FRG2C: variants seen among roughly 807,000 people sequenced by gnomAD.
FRG2C encodes the protein FSHD region gene 2 family member C.
A neutral mutation model predicts 14.1 loss-of-function variants in FRG2C; 8 were observed. That is an observed-to-expected ratio of 0.57 (90% CI 0.33 to 1.02). The LOEUF is 1.02. Among genes scored for constraint, FRG2C ranks in the 50% least tolerant of loss-of-function variants. FRG2C has a pLI of 0.03. For missense variants in FRG2C, 214 were observed against 334.2 expected, an observed-to-expected ratio of 0.64 and a Z score of 2.80; for synonymous variants, 92 against 127.4, an observed-to-expected ratio of 0.72 and a Z score of 1.87.
chr3:75,664,876 G>A lies in FRG2C; in HGVS notation c.236G>A (p.Gly79Glu). The A allele has an allele frequency of 6.2e-7, 1 of 1,614,272 alleles. No homozygotes were observed. Among genetic ancestry groups the A allele is most frequent in the Non-Finnish European group, 8.5e-7 (1 of 1,180,046 alleles). Reference sequence around the variant, plus strand: ...TCTGAGGAAACCAAGCTCAAGGCCGGGAACAGCACTGCTGGATCAGGTAAG... The same window carrying A: ...TCTGAGGAAACCAAGCTCAAGGCCGAGAACAGCACTGCTGGATCAGGTAAG... ...ENSEETKLKA[G>E]NSTAGSEPES... Residue 79 changes from glycine (G) to glutamate (E), a missense_variant, in exon 2 of 4, where the codon GGG becomes GAG. This residue lies in a region of FRG2C where 136 missense variants were observed against 148.1 expected (regional missense o/e 0.92). Transcript: ENST00000308062.
chr3:75,666,197 C>G lies in FRG2C; in HGVS notation c.*156C>G. ...AGGAAAGAAACTTGAGCGGTATACT[C>G]AGAATGGTGAGCCCTGAATTTTGCA... On this transcript the variant is annotated 3_prime_UTR_variant, in exon 4 of 4. Transcript: ENST00000308062. 2 of 1,485,160 alleles carry G rather than the reference C, an allele frequency of 1.3e-6. No individual in the cohort carries two copies. The highest frequency in any genetic ancestry group is 1.8e-6 in the Non-Finnish European group (2 of 1,115,936). The allele number at this position is 1,485,160 out of a possible 1,614,324, so 92.0% of individuals were successfully genotyped here. A position where few individuals can be genotyped will look rare whatever the true frequency, so the allele number is the denominator to read the frequency against.
At position 75,667,133 on chromosome 3, in the gene FRG2C, G is replaced by A. The variant is rs1403826332; in HGVS notation, c.*1092G>A. 1 of 152,282 alleles carries A rather than the reference G, an allele frequency of 6.6e-6. No homozygotes were observed. The highest frequency in any genetic ancestry group is 1.9e-4 in the East Asian group (1 of 5,206). 9.4% of individuals were successfully genotyped at this position (152,282 alleles called of 1,614,324 possible). On this transcript the variant is annotated 3_prime_UTR_variant, in exon 4 of 4. Coordinates refer to ENST00000308062, the MANE Select transcript of FRG2C (RefSeq NM_001124759.5). ...GGTTGCTTTATAATTTTCATTTTAT[G>A]TAATAATGAAATAAACATTAATGTT...
intron 2 of FRG2C, 55 bp from the exon 3 acceptor site, chr3:75,665,071 G>GA: frequency 6.2e-7 from 1 of 1,603,686 alleles, no homozygotes; most frequent in Non-Finnish European, 8.5e-7. Flanking sequence ...GATGGACTAG[G>GA]AATTTCAGGG....
In FRG2C at chr3:75,665,213, T is replaced by C. The variant is rs1269548541; in HGVS notation, c.334+10T>C. 5.0e-6 allele frequency: 8 copies of C among 1,613,804 alleles called. No individual in the cohort carries two copies. Among genetic ancestry groups the C allele is most frequent in the Non-Finnish European group, 6.8e-6 (8 of 1,179,726 alleles). On this transcript the variant is annotated intron_variant, in intron 3 of 3. Transcript: ENST00000308062. Reference sequence around the variant, plus strand: ...TGCCAAGACAGAGCAGGTAGAATCTTGGTGTTTGTTGTTGTTGGTGGTGGT... The same window carrying C: ...TGCCAAGACAGAGCAGGTAGAATCTCGGTGTTTGTTGTTGTTGGTGGTGGT...
rs1453614966 is a variant in FRG2C, at chr3:75,667,048, T to C, written c.*1007T>C. On this transcript the variant is annotated 3_prime_UTR_variant, in exon 4 of 4. Transcript: ENST00000308062. ...TTGTTATATTTGACGTATATTCTAC[T>C]TGTATTTTGTACTGAGATCATACAA... The C allele has an allele frequency of 2.0e-5, 3 of 152,330 alleles. No individual in the cohort carries two copies. The highest frequency in any genetic ancestry group is 1.3e-4 in the Admixed American group (2 of 15,294). The allele number at this position is 152,330 out of a possible 1,614,324, so 9.4% of individuals were successfully genotyped here.
In FRG2C at chr3:75,664,861, C is replaced by G; in HGVS notation, c.221C>G (p.Thr74Ser). The G allele has an allele frequency of 1.9e-6, 3 of 1,614,268 alleles. No individual in the cohort carries two copies. Among genetic ancestry groups the G allele is most frequent in the Non-Finnish European group, 2.5e-6 (3 of 1,180,042 alleles). ...PNPNKENSEE[T>S]KLKAGNSTAG... ...CCAAACAAGGAGAATTCTGAGGAAA[C>G]CAAGCTCAAGGCCGGGAACAGCACT... The change falls in exon 2 of 4, where the codon ACC becomes AGC. Residue 74 changes from threonine (T) to serine (S), a missense_variant. Around this residue, in one of 3 missense-constraint regions of FRG2C, gnomAD observed 136 missense variants for 148.1 expected, o/e 0.92. Coordinates refer to ENST00000308062, the MANE Select transcript of FRG2C (RefSeq NM_001124759.5).
chr3:75,664,884 A>G lies in FRG2C; in HGVS notation c.244A>G (p.Thr82Ala). 1 of 1,614,292 alleles carries G rather than the reference A, an allele frequency of 6.2e-7. No individual in the cohort carries two copies. Residue 82 changes from threonine to alanine, a missense_variant, in exon 2 of 4, where the codon ACT becomes GCT. Around this residue, in one of 3 missense-constraint regions of FRG2C, gnomAD observed 136 missense variants for 148.1 expected, o/e 0.92. Coordinates refer to ENST00000308062, the MANE Select transcript of FRG2C (RefSeq NM_001124759.5). Reference protein sequence around the residue: ...EETKLKAGNSTAGSEPESSSY... With the variant: ...EETKLKAGNSAAGSEPESSSY... ...AACCAAGCTCAAGGCCGGGAACAGC[A>G]CTGCTGGATCAGGTAAGATTTGACT...
Position 75,665,187 on chromosome 3 carries a change from C to T in FRG2C, c.318C>T (p.Ile106=), listed in dbSNP as rs1937052265. The T allele has an allele frequency of 2.5e-6, 4 of 1,614,078 alleles. No individual in the cohort carries two copies. Among genetic ancestry groups the T allele is most frequent in the South Asian group, 1.1e-5 (1 of 91,084 alleles). ...AAAGAAAAATCAGTTCCAAGGATAT[C>T]TGCCAAGACAGAGCAGGTAGAATCT... ...CRKRKISSKD[I]CQDRAGNCPE... is the part of the protein sequence containing the mutation. Residue 106 remains isoleucine (I), a synonymous_variant, in exon 3 of 4, where the codon ATC becomes ATT. Transcript: ENST00000308062.
chr3:75,665,032 G>A lies in FRG2C; in HGVS notation c.257-94G>A, dbSNP rs1321634708. The A allele has an allele frequency of 1.9e-6, 3 of 1,572,638 alleles. No individual in the cohort carries two copies. The African/African-American group carries it at 4.1e-5, about 21-fold the overall frequency. On this transcript the variant is annotated intron_variant, in intron 2 of 3. Transcript: ENST00000308062. ...GGAGAACAGAAGAGAGCTGGGGTTTGGCGGTAACCTCAGCTCCTGTGTGTC... is the reference window on the plus strand; with the variant it reads ...GGAGAACAGAAGAGAGCTGGGGTTTAGCGGTAACCTCAGCTCCTGTGTGTC...
In FRG2C at chr3:75,664,519, C is replaced by G. The variant is rs1559553248; in HGVS notation, c.140C>G (p.Ala47Gly). The change falls in exon 1 of 4, where the codon GCC becomes GGC. Residue 47 changes from alanine to glycine, a missense_variant. Ala to Gly is a moderately conservative substitution (Grantham distance 60, BLOSUM62 0). Transcript: ENST00000308062. ...CCATTCAAAGGAAAAGGCAAGACCGCCTTCTCCCATTCCAGTGAGAAGCAC... is the reference window on the plus strand; with the variant it reads ...CCATTCAAAGGAAAAGGCAAGACCGGCTTCTCCCATTCCAGTGAGAAGCAC... ...KKPFKGKGKT[A>G]FSHSSEKHTQ... The G allele has an allele frequency of 6.2e-7, 1 of 1,613,772 alleles. No homozygotes were observed. Among genetic ancestry groups the G allele is most frequent in the African/African-American group, 1.3e-5 (1 of 74,956 alleles).
chr3:75,665,838 G>C lies in FRG2C; in HGVS notation c.646G>C (p.Gly216Arg), dbSNP rs1291392535. 6.2e-7 allele frequency: 1 copy of C among 1,613,886 alleles called. No individual in the cohort carries two copies. The highest frequency in any genetic ancestry group is 1.7e-5 in the Admixed American group (1 of 59,996). ...GCTGACACTGCTCACTCGGCTCCGG[G>C]GGCCTCTGTGTGCCCAGGTGCAGAC... ...EQLTLLTRLR[G>R]PLCAQVQTLY... The change falls in exon 4 of 4, where the codon GGG becomes CGG. Residue 216 changes from glycine to arginine, a missense_variant. Gly to Arg is a moderately radical substitution (Grantham distance 125). Transcript: ENST00000308062.
intron 2 of FRG2C, 53 bp from the exon 3 acceptor site, chr3:75,665,073 A>G: frequency 6.2e-7 from 1 of 1,604,632 alleles, no homozygotes; most frequent in Non-Finnish European, 8.5e-7. Context: ...TGGACTAGGA[A>G]TTTCAGGGTG....
chr3:75,665,995 CTG>C lies in FRG2C; in HGVS notation c.804_805del (p.Glu269AlafsTer7). On this transcript the variant is annotated frameshift_variant, in exon 4 of 4. Coordinates refer to ENST00000308062, the MANE Select transcript of FRG2C (RefSeq NM_001124759.5). LOFTEE classifies it low-confidence loss of function (END_TRUNC). ...CATCCCTTCCCTGGGCAGGAGATAA[CTG>C]AGCCTGTCAGTGGATCAGATGAGGC... 1.2e-6 allele frequency: 2 copies of C among 1,612,314 alleles called. No homozygotes were observed. The highest frequency in any genetic ancestry group is 2.2e-5 in the South Asian group (2 of 91,004).
At position 75,665,202 on chromosome 3, in the gene FRG2C, A is replaced by C; in HGVS notation, c.333A>C (p.Ala111=). The C allele has an allele frequency of 2.5e-6, 4 of 1,614,100 alleles. No homozygotes were observed. The highest frequency in any genetic ancestry group is 2.2e-5 in the East Asian group (1 of 44,892). Residue 111 remains alanine (A), a splice_region_variant and synonymous_variant, in exon 3 of 4, where the codon GCA becomes GCC. Transcript: ENST00000308062. The part of the protein sequence containing the change: ...ISSKDICQDR[A]GNCPEEECNL... ...CCAAGGATATCTGCCAAGACAGAGC[A>C]GGTAGAATCTTGGTGTTTGTTGTTG...
chr3:75,665,701 CG>C lies in FRG2C; in HGVS notation c.510del (p.Ser171HisfsTer7). The C allele has an allele frequency of 3.7e-6, 6 of 1,611,828 alleles. No homozygotes were observed. The highest frequency in any genetic ancestry group is 4.2e-6 in the Non-Finnish European group (5 of 1,177,902). On this transcript the variant is annotated frameshift_variant, in exon 4 of 4. Transcript: ENST00000308062. LOFTEE classifies it low-confidence loss of function (END_TRUNC). Reference protein sequence around the residue: ...HRSRALEVQTPSLRKSLVTSV... With the variant: ...HRSRALEVQTXSLRKSLVTSV... ...TCTCGGGCCCTAGAAGTCCAAACACCGTCACTTCGAAAAAGCTTGGTGACCT... is the reference window on the plus strand; with the variant it reads ...TCTCGGGCCCTAGAAGTCCAAACACCTCACTTCGAAAAAGCTTGGTGACCT...
At position 75,664,891 on chromosome 3, in the gene FRG2C, G is replaced by C; in HGVS notation, c.251G>C (p.Gly84Ala). 7 of 1,614,280 alleles carry C rather than the reference G, an allele frequency of 4.3e-6. No homozygotes were observed. The highest frequency in any genetic ancestry group is 5.9e-6 in the Non-Finnish European group (7 of 1,180,048). Residue 84 changes from glycine (G) to alanine (A), a missense_variant, in exon 2 of 4, where the codon GGA becomes GCA. Gly to Ala is a moderately conservative substitution (Grantham distance 60, BLOSUM62 0). This residue lies in a region of FRG2C where 136 missense variants were observed against 148.1 expected (regional missense o/e 0.92). Transcript: ENST00000308062. ...CTCAAGGCCGGGAACAGCACTGCTG[G>C]ATCAGGTAAGATTTGACTCTTTCAA... ...TKLKAGNSTA[G>A]SEPESSSYQE...
At position 75,665,685 on chromosome 3, in the gene FRG2C, C is replaced by G; in HGVS notation, c.493C>G (p.Leu165Val). Residue 165 changes from leucine to valine, a missense_variant, in exon 4 of 4, where the codon CTA becomes GTA. Physicochemically the swap from Leu to Val is conservative, Grantham distance 32. Transcript: ENST00000308062. ...CAGCAAGCGGCATAGGTCTCGGGCCCTAGAAGTCCAAACACCGTCACTTCG... is the reference window on the plus strand; with the variant it reads ...CAGCAAGCGGCATAGGTCTCGGGCCGTAGAAGTCCAAACACCGTCACTTCG... The part of the protein sequence containing the change: ...GRSKRHRSRA[L>V]EVQTPSLRKS... The G allele has an allele frequency of 6.2e-7, 1 of 1,613,780 alleles. No individual in the cohort carries two copies. The highest frequency in any genetic ancestry group is 8.5e-7 in the Non-Finnish European group (1 of 1,179,832).
chr3:75,666,383 A>G lies in FRG2C; in HGVS notation c.*342A>G, dbSNP rs1413263863. 6.3e-6 allele frequency: 3 copies of G among 478,016 alleles called. No homozygotes were observed. Among genetic ancestry groups the G allele is most frequent in the Non-Finnish European group, 1.1e-5 (3 of 279,000 alleles). The allele number at this position is 478,016 out of a possible 1,614,324, so 29.6% of individuals were successfully genotyped here. ...TGTAGAAAAGTAAATATAAAATTAT[A>G]TGCTCTTTTTTTTTTTGAGACAGTC... is the stretch of plus-strand genomic sequence containing the variant. On this transcript the variant is annotated 3_prime_UTR_variant, in exon 4 of 4. Coordinates refer to ENST00000308062, the MANE Select transcript of FRG2C (RefSeq NM_001124759.5).
In FRG2C at chr3:75,667,149, CATT is replaced by C. The variant is rs1235654825; in HGVS notation, c.*1110_*1112del. ...TCATTTTATGTAATAATGAAATAAA[CATT>C]AATGTTGTTTGGAATTTTAAATTTC... On this transcript the variant is annotated 3_prime_UTR_variant, in exon 4 of 4. Transcript: ENST00000308062. 1 of 152,314 alleles carries C rather than the reference CATT, an allele frequency of 6.6e-6. No individual in the cohort carries two copies. Among genetic ancestry groups the C allele is most frequent in the Non-Finnish European group, 1.5e-5 (1 of 68,064 alleles). 9.4% of individuals were successfully genotyped at this position (152,314 alleles called of 1,614,324 possible).
Sources: allele counts gnomAD v4.1 joint callset, GRCh38; gene constraint gnomAD v4.1.1; regional missense constraint gnomAD v4.1.1; transcripts MANE v1.5; gene names NCBI Gene and HGNC (gene_info 2026-07-23, HGNC 2026-07-21).